The following MYPN variants were observed in gnomAD, a reference collection of about 807,000 sequenced individuals.
The protein encoded by MYPN is sarcomeric protein myopalladin, 145 kDa (MYOP).
A neutral mutation model predicts 129.4 loss-of-function variants in MYPN; 63 were observed. The ratio of observed to expected loss-of-function variants is 0.49; its 90% CI spans 0.40 to 0.60. The LOEUF (loss-of-function observed/expected upper bound fraction) is 0.60. Among genes scored for constraint, MYPN ranks in the 20% least tolerant of loss-of-function variants. MYPN has a pLI of 0.00. For missense variants in MYPN, 1,596 were observed against 1,635.4 expected (o/e 0.98, Z 0.42); for synonymous variants, 629 against 600.9 (o/e 1.05, Z -0.68).
chr10:68,182,463 A>AC (rs201260457), intron 12 of MYPN, among the ~76,000 whole-genome samples: 8 of 81,940 alleles, frequency 9.8e-5, no homozygotes, highest in African/African-American at 4.1e-4. Flanking sequence ...ATATATATAT[A>AC]ACATATATAC....
At chr10:68,209,357 C>A (rs2043867964) in intron 19 of MYPN, among the ~76,000 whole-genome samples, 1 of 152,262 alleles carries the variant, frequency 6.6e-6, no homozygotes, top group Non-Finnish European at 1.5e-5. Context: ...TGTCCCTGAA[C>A]CATGGTTGAT....
intron 4 of MYPN, among the ~76,000 whole-genome samples, chr10:68,148,058 C>T (rs1474961150): frequency 6.6e-6 from 1 of 152,194 alleles, no homozygotes; most frequent in Non-Finnish European, 1.5e-5. Context: ...TCTGCACATG[C>T]TTCCATCACT....
At chr10:68,138,599 A>G (rs546194102) in intron 2 of MYPN, among the ~76,000 whole-genome samples, 2 of 152,306 alleles carry the variant, frequency 1.3e-5, no homozygotes, top group East Asian at 1.9e-4. Context: ...TCTTTGTATT[A>G]TATAAAAATA....
Position 68,211,375 on chromosome 10 carries a change from G to C in MYPN, c.*920G>C, listed in dbSNP as rs2043912381. 2.3e-6 allele frequency: 1 copy of C among 436,724 alleles called. No individual in the cohort carries two copies. The highest frequency in any genetic ancestry group is 4.6e-6 in the Non-Finnish European group (1 of 218,596). 27.1% of individuals were successfully genotyped at this position (436,724 alleles called of 1,614,324 possible). A position where few individuals can be genotyped will look rare whatever the true frequency, so the allele number is the denominator to read the frequency against. On this transcript the variant is annotated 3_prime_UTR_variant, in exon 20 of 20. Coordinates refer to ENST00000358913, the MANE Select transcript of MYPN (RefSeq NM_032578.4). ...CCCCAAAAGTCTGAAAGTGTAGGAG[G>C]AAGGAAGAGATACAAACAAGGAGAG...
chr10:68,189,058 C>A lies in MYPN; in HGVS notation c.2857C>A (p.His953Asn). The A allele has an allele frequency of 6.2e-7, 1 of 1,614,128 alleles. No individual in the cohort carries two copies. The highest frequency in any genetic ancestry group is 8.5e-7 in the Non-Finnish European group (1 of 1,180,002). ...IAPIFDKRLKHFRVTEGSPVT... is the reference protein window; with the variant it reads ...IAPIFDKRLKNFRVTEGSPVT... ...TCCCATCTTTGACAAGAGACTCAAG[C>A]ACTTCCGGGTCACAGAAGGCTCTCC... The change falls in exon 13 of 20, where the codon CAC (histidine) becomes AAC (asparagine). Residue 953 changes from histidine to asparagine, a missense_variant. Coordinates refer to ENST00000358913, the MANE Select transcript of MYPN (RefSeq NM_032578.4).
chr10:68,090,324 G>A (rs751305988), intron 1 of MYPN, among the ~76,000 whole-genome samples: 6 of 151,950 alleles, frequency 3.9e-5, no homozygotes, highest in African/African-American at 7.3e-5. Flanking sequence ...CACCACATCC[G>A]GCTGATTTTT....
rs367976040 is a variant in MYPN, at chr10:68,194,311, A to G, written c.2926-52A>G. 11 of 1,599,480 alleles carry G rather than the reference A, an allele frequency of 6.9e-6. No homozygotes were observed. The African/African-American group carries it at 1.5e-4, about 22-fold the overall frequency. On this transcript the variant is annotated intron_variant, in intron 13 of 19. Coordinates refer to ENST00000358913, the MANE Select transcript of MYPN (RefSeq NM_032578.4). ...TCCTCACCCCAGACCCTAGTTCATTAACCTCTAAAGATAAACAAAACAGTG... is the reference window on the plus strand; with the variant it reads ...TCCTCACCCCAGACCCTAGTTCATTGACCTCTAAAGATAAACAAAACAGTG...
intron 1 of MYPN, among the ~76,000 whole-genome samples, chr10:68,098,818 G>C (rs2041969131): frequency 6.6e-6 from 1 of 152,062 alleles, no homozygotes; most frequent in Admixed American, 6.6e-5. Flanking sequence ...ACTCCAGCCT[G>C]GGCGACAAGA....
chr10:68,099,200 C>A (rs2041970942), intron 1 of MYPN, among the ~76,000 whole-genome samples: 1 of 152,090 alleles, frequency 6.6e-6, no homozygotes, highest in Non-Finnish European at 1.5e-5. Context: ...CCCAAAATAA[C>A]CCTCATTAGA....
chr10:68,123,506 C>A (rs1314540864), intron 2 of MYPN, among the ~76,000 whole-genome samples: 1 of 146,952 alleles, frequency 6.8e-6, no homozygotes, highest in Non-Finnish European at 1.5e-5. Flanking sequence ...GAAACCCGGT[C>A]TCTACTAAAA....
At chr10:68,118,936 A>G (rs1383935193) in intron 1 of MYPN, among the ~76,000 whole-genome samples, 1 of 151,740 alleles carries the variant, frequency 6.6e-6, no homozygotes, top group Non-Finnish European at 1.5e-5. Context: ...GAAATTTAAA[A>G]AACCACAATA....
At chr10:68,180,217 C>T (rs967776189) in intron 12 of MYPN, among the ~76,000 whole-genome samples, 1 of 152,186 alleles carries the variant, frequency 6.6e-6, no homozygotes, top group African/African-American at 2.4e-5. Context: ...AAGTTTCTGT[C>T]ACCCAGGCTG....
chr10:68,123,544 A>C (rs2042281387), intron 2 of MYPN, among the ~76,000 whole-genome samples: 1 of 150,354 alleles, frequency 6.7e-6, no homozygotes, highest in African/African-American at 2.4e-5. Context: ...AAATTAGCCA[A>C]GCATGGTGGC....
upstream of MYPN, chr10:68,106,904 C>A: frequency 1.5e-6 from 1 of 683,826 alleles, no homozygotes; most frequent in Non-Finnish European, 2.7e-6. Context: ...GTTGGATGAG[C>A]CACTCAACTT....
At chr10:68,128,016 T>G (rs74741169) in intron 2 of MYPN, among the ~76,000 whole-genome samples, 3,874 of 152,300 alleles carry the variant, frequency 0.025, 172 homozygotes, top group African/African-American at 0.087. Context: ...ATTTTGTTTA[T>G]ATTGTTGATT....
rs1246586000 is a variant in MYPN at position 68,210,372 on chromosome 10, A to G, written c.3880A>G (p.Ile1294Val). ...YGSLTSKGLD[I>V]FSAFSSMEST... ...ATCTCTCACCAGTAAAGGACTTGAC[A>G]TATTTTCTGCCTTTTCCTCCATGGA... Residue 1294 changes from isoleucine (I) to valine (V), a missense_variant, in exon 20 of 20, where the codon ATA (isoleucine) becomes GTA (valine). Transcript: ENST00000358913. 1 of 1,614,158 alleles carries G rather than the reference A, an allele frequency of 6.2e-7. No homozygotes were observed. The highest frequency in any genetic ancestry group is 8.5e-7 in the Non-Finnish European group (1 of 1,180,032).
intron 1 of MYPN, among the ~76,000 whole-genome samples, chr10:68,090,454 C>A (rs911353466): frequency 6.6e-6 from 1 of 152,118 alleles, no homozygotes; most frequent in African/African-American, 2.4e-5. Flanking sequence ...CGTGAGCCAC[C>A]GCGCCAGGCC....
At chr10:68,175,182 G>A (rs985460761) in intron 11 of MYPN, 141 bp from the exon 12 acceptor site, 28 of 911,958 alleles carry the variant, frequency 3.1e-5, no homozygotes, top group East Asian at 1.8e-4. Context: ...TACAAATACC[G>A]ATTCTCTGCA....
chr10:68,166,432 G>C lies in MYPN; in HGVS notation c.1739G>C (p.Gly580Ala). ...VEQPPKPKLEGVLVNHNEPRS... is the reference protein window; with the variant it reads ...VEQPPKPKLEAVLVNHNEPRS... The stretch of plus-strand genomic sequence containing the variant: ...CAACCCCCCAAACCCAAACTCGAGG[G>C]GGTTCTGGTGAACCACAATGAGCCC... Residue 580 changes from glycine (G) to alanine (A), a missense_variant, in exon 10 of 20, where the codon GGG becomes GCG. Transcript: ENST00000358913. 6.2e-7 allele frequency: 1 copy of C among 1,614,022 alleles called. No homozygotes were observed.
Sources: allele counts gnomAD v4.1 joint callset (sites outside exome capture counted in the v4.1 genomes callset), GRCh38; gene constraint gnomAD v4.1.1; transcripts MANE v1.5; gene names NCBI Gene and HGNC (gene_info 2026-07-23, HGNC 2026-07-21).